Variants in UHMK1 observed in about 807,000 individuals in gnomAD.
UHMK1 encodes serine/threonine-protein kinase Kist.
In UHMK1, 18 loss-of-function variants were observed where a neutral mutation model predicts 44.0. That is an observed-to-expected ratio of 0.41 (90% CI 0.28 to 0.61). UHMK1 has a LOEUF of 0.61. Ranked by LOEUF, UHMK1 falls within the 20% of genes least tolerant of loss-of-function variation. UHMK1 has a pLI of 0.31. For synonymous variants in UHMK1, 231 were observed against 198.5 expected, an observed-to-expected ratio of 1.16 and a Z score of -1.38; for missense variants, 463 against 522.5, an observed-to-expected ratio of 0.89 and a Z score of 1.11.
chr1:162,515,771 A>G (rs757791698), intron 6 of UHMK1, among the ~76,000 whole-genome samples: 19 of 151,534 alleles, frequency 1.3e-4, no homozygotes, highest in Non-Finnish European at 2.4e-4. Flanking sequence ...GTGGTGGCTC[A>G]TGCCTGTAAT....
At chr1:162,517,774 A>G (rs1265425698) in intron 6 of UHMK1, among the ~76,000 whole-genome samples, 2 of 151,704 alleles carry the variant, frequency 1.3e-5, no homozygotes, top group East Asian at 1.9e-4. Flanking sequence ...AGTCCCAGCT[A>G]CTCGGGAGGC....
intron 4 of UHMK1, among the ~76,000 whole-genome samples, chr1:162,508,938 A>C (rs986494358): frequency 6.6e-6 from 1 of 152,198 alleles, no homozygotes. Context: ...GACCACAGGC[A>C]TACACCACCA....
At chr1:162,519,478 G>A (rs1651976358) in intron 7 of UHMK1, among the ~76,000 whole-genome samples, 1 of 152,128 alleles carries the variant, frequency 6.6e-6, no homozygotes. Flanking sequence ...TTTAAAGAAG[G>A]AAAGTGTGCT....
chr1:162,513,337 T>C (rs1447551126), intron 6 of UHMK1, among the ~76,000 whole-genome samples: 1 of 152,186 alleles, frequency 6.6e-6, no homozygotes, highest in Non-Finnish European at 1.5e-5. Context: ...CTTCTATCTC[T>C]CTGGTCTGTC....
intron 6 of UHMK1, among the ~76,000 whole-genome samples, chr1:162,515,372 C>G (rs1389150446): frequency 6.6e-6 from 1 of 152,148 alleles, no homozygotes; most frequent in Non-Finnish European, 1.5e-5. Context: ...CTCTAAAGCT[C>G]TTATTTTTCT....
chr1:162,499,876 A>G, intron 1 of UHMK1, 79 bp from the exon 2 acceptor site: 1 of 1,372,686 alleles, frequency 7.3e-7, no homozygotes, highest in East Asian at 2.3e-5. Flanking sequence ...GACTATCTCA[A>G]ATTTGTACTG....
chr1:162,504,221 G>A (rs1289352990), intron 4 of UHMK1, among the ~76,000 whole-genome samples: 2 of 152,178 alleles, frequency 1.3e-5, no homozygotes, highest in Non-Finnish European at 2.9e-5. Context: ...GAATAAGATA[G>A]TTTTTTATTA....
At chr1:162,520,173 C>T (rs189207875) in intron 7 of UHMK1, among the ~76,000 whole-genome samples, 284 of 152,278 alleles carry the variant, frequency 1.9e-3, no homozygotes, top group Non-Finnish European at 2.9e-3. Flanking sequence ...GGATTAAAGG[C>T]GTGAGCCACT....
chr1:162,499,677 C>T (rs546992798), intron 1 of UHMK1, among the ~76,000 whole-genome samples: 36 of 152,192 alleles, frequency 2.4e-4, no homozygotes, highest in African/African-American at 8.7e-4. Context: ...AGTTCGTGTT[C>T]ATCACCAATG....
chr1:162,511,411 C>T (rs1651667260), intron 4 of UHMK1, among the ~76,000 whole-genome samples: 1 of 151,996 alleles, frequency 6.6e-6, no homozygotes. Flanking sequence ...AAGCAGTCCT[C>T]CCACCTCTGC....
chr1:162,499,756 G>A (rs1194440915), intron 1 of UHMK1, among the ~76,000 whole-genome samples, 199 bp from the exon 2 acceptor site: 1 of 152,064 alleles, frequency 6.6e-6, no homozygotes, highest in Non-Finnish European at 1.5e-5. Flanking sequence ...ATCAGCTGTT[G>A]TAGGCTGTCT....
At chr1:162,516,913 T>C (rs1010580439) in intron 6 of UHMK1, among the ~76,000 whole-genome samples, 1 of 152,222 alleles carries the variant, frequency 6.6e-6, no homozygotes, top group African/African-American at 2.4e-5. Flanking sequence ...AAAGTTTACA[T>C]TGGTAAACTT....
intron 3 of UHMK1, 47 bp downstream of exon 3, chr1:162,501,151 A>G (rs1651255077): frequency 6.4e-7 from 1 of 1,553,716 alleles, no homozygotes; most frequent in African/African-American, 1.4e-5. Flanking sequence ...TTTCAACTTA[A>G]GAGTATTCAA....
Position 162,524,514 on chromosome 1 carries a change from T to C in UHMK1, c.*1964T>C, listed in dbSNP as rs1381104574. ...AGACCTAAACTTTCCTAAATGTTCA[T>C]ATGGGTAGCAGATTTTGTGGTGATT... On this transcript the variant is annotated 3_prime_UTR_variant, in exon 8 of 8. Coordinates refer to ENST00000489294, the MANE Select transcript of UHMK1 (RefSeq NM_175866.5). 2.0e-5 allele frequency: 3 copies of C among 152,218 alleles called. No homozygotes were observed. Among genetic ancestry groups the C allele is most frequent in the Non-Finnish European group, 4.4e-5 (3 of 68,040 alleles). The allele number at this position is 152,218 out of a possible 1,614,324, so 9.4% of individuals were successfully genotyped here.
intron 7 of UHMK1, among the ~76,000 whole-genome samples, chr1:162,520,581 G>C (rs1557947306): frequency 1.3e-5 from 2 of 152,262 alleles, no homozygotes; most frequent in East Asian, 3.9e-4. Flanking sequence ...AAGGTCATAT[G>C]AATCAAGATT....
chr1:162,521,200 AT>A (rs1173540906), intron 7 of UHMK1, among the ~76,000 whole-genome samples: 3 of 152,218 alleles, frequency 2.0e-5, no homozygotes, highest in Non-Finnish European at 2.9e-5. Flanking sequence ...TGATAATGCA[AT>A]TATAAAAATA....
At position 162,524,720 on chromosome 1, in the gene UHMK1, A is replaced by C. The variant is rs542828112; in HGVS notation, c.*2170A>C. On this transcript the variant is annotated 3_prime_UTR_variant, in exon 8 of 8. Transcript: ENST00000489294. Reference sequence around the variant, plus strand: ...CCTGCAGTATGCTGCTAACATCTTGATGCCAATCTTCACAGCATTCTTTGA... The same window carrying C: ...CCTGCAGTATGCTGCTAACATCTTGCTGCCAATCTTCACAGCATTCTTTGA... 1 of 152,288 alleles carries C rather than the reference A, an allele frequency of 6.6e-6. No homozygotes were observed. The highest frequency in any genetic ancestry group is 1.9e-4 in the East Asian group (1 of 5,186). 9.4% of individuals were successfully genotyped at this position (152,288 alleles called of 1,614,324 possible).
intron 6 of UHMK1, among the ~76,000 whole-genome samples, chr1:162,513,587 G>A (rs987343778): frequency 3.3e-5 from 5 of 152,198 alleles, no homozygotes; most frequent in African/African-American, 1.2e-4. Context: ...AGTAACTGGT[G>A]AATGCTTCTC....
At chr1:162,504,790 T>C (rs1651408871) in intron 4 of UHMK1, among the ~76,000 whole-genome samples, 1 of 152,148 alleles carries the variant, frequency 6.6e-6, no homozygotes, top group African/African-American at 2.4e-5. Context: ...TTCTCCTTTT[T>C]TTGAGACAGA....
Sources: gnomAD v4.1 joint callset for allele counts (sites outside exome capture counted in the v4.1 genomes callset) on GRCh38, gnomAD v4.1.1 for gene constraint, MANE v1.5 for transcripts, NCBI Gene and HGNC (gene_info 2026-07-23, HGNC 2026-07-21) for gene names.